NELL2: variants seen among roughly 807,000 people sequenced by gnomAD.
The protein encoded by NELL2 is protein kinase C-binding protein NELL2.
A neutral mutation model predicts 109.6 loss-of-function variants in NELL2; 41 were observed. The observed-to-expected ratio is 0.37, with a 90% CI of 0.29 to 0.49. The LOEUF (loss-of-function observed/expected upper bound fraction) is 0.49, where lower values mean the gene tolerates loss of function less well. Among genes scored for constraint, NELL2 ranks in the 20% least tolerant of loss-of-function variants. The probability of loss-of-function intolerance (pLI) is 0.98; values close to 1 mark genes in which losing one functional copy is unlikely to be tolerated. For missense variants in NELL2, 900 were observed against 1,008.3 expected, an observed-to-expected ratio of 0.89 and a Z score of 1.45; for synonymous variants, 355 against 344.7, an observed-to-expected ratio of 1.03 and a Z score of -0.33.
intron 15 of NELL2, among the ~76,000 whole-genome samples, chr12:44,600,875 T>A (rs1017549774): frequency 2.0e-5 from 3 of 152,182 alleles, no homozygotes; most frequent in Admixed American, 2.0e-4. Context: ...AATATGTACA[T>A]AATGTTTATT....
intron 12 of NELL2, among the ~76,000 whole-genome samples, chr12:44,667,355 T>C (rs1947957659): frequency 1.3e-5 from 2 of 152,138 alleles, no homozygotes; most frequent in South Asian, 4.1e-4. Flanking sequence ...ATGATGAGTG[T>C]AATACAGGGG....
At chr12:44,691,020 G>A (rs905676186) in intron 12 of NELL2, among the ~76,000 whole-genome samples, 1 of 152,116 alleles carries the variant, frequency 6.6e-6, no homozygotes, top group Non-Finnish European at 1.5e-5. Flanking sequence ...TATTTTATAG[G>A]TAAGTCATTA....
rs529452681 is a variant in NELL2 at position 44,593,618 on chromosome 12, A to G, written c.1663+13551T>C. On this transcript the variant is annotated intron_variant, in intron 15 of 19. Transcript: ENST00000429094. ...TAATCCTTTGGGTATATACCCAGTA[A>G]CGGGATTGCTGGGTCAAATGGTATT... Among the ~76,000 whole-genome samples the G allele has an allele frequency of 3.7e-4, 56 of 152,340 alleles. 1 individual carries two copies. The highest frequency in any genetic ancestry group is 1.2e-3 in the African/African-American group (49 of 41,572).
At chr12:44,728,446 G>A (rs535891019) in intron 9 of NELL2, among the ~76,000 whole-genome samples, 1 of 152,062 alleles carries the variant, frequency 6.6e-6, no homozygotes, top group South Asian at 2.1e-4. Context: ...GAGCAAAAAG[G>A]AAAACAAATA....
chr12:44,620,502 G>T (rs1192383993), intron 13 of NELL2, among the ~76,000 whole-genome samples: 4 of 152,076 alleles, frequency 2.6e-5, no homozygotes, highest in African/African-American at 9.7e-5. Flanking sequence ...TCAAGTGCTT[G>T]CCCCATTTCC....
intron 15 of NELL2, among the ~76,000 whole-genome samples, chr12:44,541,210 C>A (rs1942547797): frequency 7.5e-6 from 1 of 134,212 alleles, no homozygotes; most frequent in African/African-American, 2.9e-5. Flanking sequence ...GAGATCACGC[C>A]ACTGCACTCC....
In NELL2 at chr12:44,508,879, G is replaced by T; in HGVS notation, c.*55C>A. 1 of 1,476,340 alleles carries T rather than the reference G, an allele frequency of 6.8e-7. No homozygotes were observed. 91.5% of individuals were successfully genotyped at this position (1,476,340 alleles called of 1,614,324 possible). A position where few individuals can be genotyped will look rare whatever the true frequency, so the allele number is the denominator to read the frequency against. ...CAATTTAAGTTTTAACTTCTTTTTG[G>T]TCTTTTAATGAAAGAACATTCTTTT... is the stretch of plus-strand genomic sequence containing the variant. On this transcript the variant is annotated 3_prime_UTR_variant, in exon 20 of 20. Coordinates refer to ENST00000429094, the MANE Select transcript of NELL2 (RefSeq NM_001145108.2).
chr12:44,909,528 G>A (rs528323430), intron 1 of NELL2, among the ~76,000 whole-genome samples: 9 of 151,734 alleles, frequency 5.9e-5, no homozygotes, highest in East Asian at 3.9e-4. Context: ...AGCAATCTAC[G>A]GATTCAATGC....
chr12:44,815,349 C>T (rs1469232019), intron 3 of NELL2, among the ~76,000 whole-genome samples: 2 of 152,228 alleles, frequency 1.3e-5, no homozygotes, highest in South Asian at 4.2e-4. Flanking sequence ...TACAATTATA[C>T]GACTATTAAA....
intron 2 of NELL2, among the ~76,000 whole-genome samples, chr12:44,837,553 A>G (rs1281175338): frequency 6.6e-6 from 1 of 152,212 alleles, no homozygotes; most frequent in Non-Finnish European, 1.5e-5. Flanking sequence ...TATGACAGGT[A>G]GCACTTAGTT....
At chr12:44,624,977 AAT>A (rs200003564) in intron 13 of NELL2, among the ~76,000 whole-genome samples, 5,610 of 131,264 alleles carry the variant, frequency 0.043, 408 homozygotes, top group African/African-American at 0.14. Flanking sequence ...GAAGATGACA[AAT>A]ATATATATAT....
intron 1 of NELL2, among the ~76,000 whole-genome samples, chr12:44,899,430 C>T (rs1019686039): frequency 4.6e-5 from 7 of 152,180 alleles, no homozygotes; most frequent in Admixed American, 2.6e-4. Context: ...AGAAACCCTA[C>T]AAGCCAGAAG....
chr12:44,612,657 A>G (rs769879477), intron 13 of NELL2, among the ~76,000 whole-genome samples: 10 of 151,824 alleles, frequency 6.6e-5, no homozygotes, highest in Non-Finnish European at 1.3e-4. Context: ...TGCTGCCTGA[A>G]GCAAAATAAA....
At chr12:44,892,318 A>C (rs1784972651) in intron 1 of NELL2, among the ~76,000 whole-genome samples, 2 of 152,164 alleles carry the variant, frequency 1.3e-5, no homozygotes, top group Admixed American at 1.3e-4. Flanking sequence ...GGGCAGGTCA[A>C]AGAATCTTCT....
chr12:44,606,384 T>C (rs553880050), intron 15 of NELL2, among the ~76,000 whole-genome samples: 2 of 152,246 alleles, frequency 1.3e-5, no homozygotes, highest in African/African-American at 2.4e-5. Context: ...CAACTGTCAA[T>C]TGCCAGTGGC....
Position 44,681,524 on chromosome 12 carries a change from G to A in NELL2, c.1319-15915C>T, listed in dbSNP as rs568685440. Reference sequence around the variant, plus strand: ...GCTGGTGCGCTGCACCCATTAACTCGTCATCTAGCATTAGGTATATTGCCC... The same window carrying A: ...GCTGGTGCGCTGCACCCATTAACTCATCATCTAGCATTAGGTATATTGCCC... On this transcript the variant is annotated intron_variant, in intron 12 of 19. Coordinates refer to ENST00000429094, the MANE Select transcript of NELL2 (RefSeq NM_001145108.2). Among the ~76,000 whole-genome samples, 9 of 151,846 alleles carry A rather than the reference G, an allele frequency of 5.9e-5. No homozygotes were observed. In the South Asian group the frequency reaches 6.2e-4, roughly 11 times the overall value.
At chr12:44,544,930 G>A (rs1300753940) in intron 15 of NELL2, among the ~76,000 whole-genome samples, 1 of 151,940 alleles carries the variant, frequency 6.6e-6, no homozygotes, top group African/African-American at 2.4e-5. Flanking sequence ...AAAGAGGTAA[G>A]GGCAGTCCTT....
intron 12 of NELL2, among the ~76,000 whole-genome samples, chr12:44,679,539 T>C (rs572487175): frequency 3.3e-5 from 5 of 152,278 alleles, no homozygotes; most frequent in African/African-American, 1.2e-4. Flanking sequence ...AATCATCCTG[T>C]GACCTGGGGA....
chr12:44,861,480 C>G (rs78056665), intron 2 of NELL2, among the ~76,000 whole-genome samples: 4,149 of 152,208 alleles, frequency 0.027, 185 homozygotes, highest in African/African-American at 0.093. Context: ...GAAACAGTCT[C>G]AACATTAGAT....
Sources: gnomAD v4.1 joint callset for allele counts (sites outside exome capture counted in the v4.1 genomes callset) on GRCh38, gnomAD v4.1.1 for gene constraint, MANE v1.5 for transcripts, NCBI Gene and HGNC (gene_info 2026-07-23, HGNC 2026-07-21) for gene names.